Variants in RUVBL1 observed in about 807,000 individuals in gnomAD.
The protein encoded by RUVBL1 is RuvB like AAA ATPase 1, also known as ruvB-like 1.
Under a neutral mutation model 52.4 loss-of-function variants are expected in RUVBL1, and 4 were observed. The observed-to-expected ratio is 0.08, with a 90% CI of 0.04 to 0.17. The LOEUF (loss-of-function observed/expected upper bound fraction) is 0.17, where lower values mean the gene tolerates loss of function less well. Ranked by LOEUF, RUVBL1 falls within the 10% of genes least tolerant of loss-of-function variation. The probability of loss-of-function intolerance (pLI) is 1.00; values close to 1 mark genes in which losing one functional copy is unlikely to be tolerated. For synonymous variants in RUVBL1, 217 were observed against 214.4 expected, an observed-to-expected ratio of 1.01 and a Z score of -0.10; for missense variants, 298 against 572.8, an observed-to-expected ratio of 0.52 and a Z score of 4.90.
chr3:128,082,709 G>T lies in RUVBL1; in HGVS notation c.1120-135C>A. The T allele has an allele frequency of 1.4e-6, 1 of 724,430 alleles. No individual in the cohort carries two copies. 44.9% of individuals were successfully genotyped at this position (724,430 alleles called of 1,614,324 possible). On this transcript the variant is annotated intron_variant, in intron 9 of 10. Coordinates refer to ENST00000322623, the MANE Select transcript of RUVBL1 (RefSeq NM_003707.3). This position sits in a 1 kb window ranked among gnomAD's most constrained non-coding sequence, Gnocchi z 4.7. ...AACTGAGACCTGGGTTGGTGGGCAG[G>T]GAGCCAACGCCTGCCCAGCACTGCC... is the stretch of plus-strand genomic sequence containing the variant.
intron 1 of RUVBL1, among the ~76,000 whole-genome samples, chr3:128,151,034 C>T (rs1202062679): frequency 1.3e-4 from 11 of 84,040 alleles, no homozygotes; most frequent in Non-Finnish European, 2.1e-4. Context: ...AATATATATT[C>T]TATATTCTAT....
upstream of RUVBL1, among the ~76,000 whole-genome samples, chr3:128,125,005 C>CT (rs749620135): frequency 0.2 from 12,054 of 61,280 alleles, 4,902 homozygotes; most frequent in African/African-American, 0.48. Context: ...CTCACACCGC[C>CT]TTTTTTTTTT....
chr3:128,106,152 T>C lies in RUVBL1; in HGVS notation c.362-1228A>G, dbSNP rs560372305. Among the ~76,000 whole-genome samples, 147 of 152,270 alleles carry C rather than the reference T, an allele frequency of 9.7e-4. 1 individual carries two copies. The highest frequency in any genetic ancestry group is 9.6e-3 in the East Asian group (50 of 5,188). ...ACCTTGGCCTCCCAAAGTGCTGGGA[T>C]TACAGGTGTGAGCTACCATTCCCAG... is the stretch of plus-strand genomic sequence containing the variant. On this transcript the variant is annotated intron_variant, in intron 3 of 10. Coordinates refer to ENST00000322623, the MANE Select transcript of RUVBL1 (RefSeq NM_003707.3).
chr3:128,102,375 G>A (rs764024847), intron 4 of RUVBL1, among the ~76,000 whole-genome samples: 7 of 152,234 alleles, frequency 4.6e-5, no homozygotes, highest in East Asian at 1.9e-4. Context: ...GCAGATTTGC[G>A]GAACTGTTGC....
At chr3:128,153,022 G>A (rs1389064252) in intron 1 of RUVBL1, among the ~76,000 whole-genome samples, 1 of 95,016 alleles carries the variant, frequency 1.1e-5, no homozygotes. Flanking sequence ...GCCCCCCCAT[G>A]TTCCGTTTTT....
chr3:128,105,074 A>G (rs1943192867), intron 3 of RUVBL1, 150 bp from the exon 4 acceptor site: 3 of 715,420 alleles, frequency 4.2e-6, no homozygotes, highest in Admixed American at 3.0e-5. Context: ...CAATACAAAC[A>G]TATCAATGTA....
chr3:128,101,789 G>A (rs1943113626), intron 4 of RUVBL1, 141 bp from the exon 5 acceptor site: 4 of 763,642 alleles, frequency 5.2e-6, no homozygotes, highest in South Asian at 1.6e-5. Context: ...TGAATACTGG[G>A]ACCTGCAGGA....
intron 1 of RUVBL1, among the ~76,000 whole-genome samples, chr3:128,142,162 G>A (rs945405299): frequency 2.0e-5 from 3 of 152,210 alleles, no homozygotes; most frequent in African/African-American, 7.2e-5. Flanking sequence ...CCAACGCAAT[G>A]GGTAAACCTG....
upstream of RUVBL1, among the ~76,000 whole-genome samples, chr3:128,124,112 T>C (rs1303230474): frequency 1.3e-5 from 2 of 152,092 alleles, no homozygotes; most frequent in Non-Finnish European, 2.9e-5. Flanking sequence ...CATTTGAACG[T>C]CATACTCTTA....
At chr3:128,066,885 G>T in intron 9 of RUVBL1, 1 of 1,499,456 alleles carries the variant, frequency 6.7e-7, no homozygotes, top group Non-Finnish European at 9.3e-7. Context: ...GTCCCCGGCC[G>T]GGCTGTGTTT....
intron 1 of RUVBL1, among the ~76,000 whole-genome samples, chr3:128,143,124 GCCCA>G (rs1401093213): frequency 4.7e-5 from 7 of 150,134 alleles, no homozygotes; most frequent in African/African-American, 1.7e-4. Context: ...ATTACACCAG[GCCCA>G]CCCTGATACT....
downstream of RUVBL1, among the ~76,000 whole-genome samples, chr3:128,076,842 G>A (rs1488836655): frequency 6.6e-6 from 1 of 152,142 alleles, no homozygotes; most frequent in South Asian, 2.1e-4. The surrounding 1 kb of genome is among the most constrained non-coding windows in gnomAD (Gnocchi z 6.8). Flanking sequence ...GTCCCAGCCC[G>A]CACCCCGCAC....
intron 1 of RUVBL1, among the ~76,000 whole-genome samples, chr3:128,132,247 G>A (rs114529250): frequency 6.4e-4 from 98 of 152,262 alleles, no homozygotes; most frequent in African/African-American, 2.3e-3. Context: ...ACTGAGTTCC[G>A]GCCAGCCTCA....
At position 128,081,183 on chromosome 3, in the gene RUVBL1, C is replaced by A. The variant is rs949485193; in HGVS notation, c.*67G>T. On this transcript the variant is annotated 3_prime_UTR_variant, in exon 11 of 11. Coordinates refer to ENST00000322623, the MANE Select transcript of RUVBL1 (RefSeq NM_003707.3). This position sits in a 1 kb window ranked among gnomAD's most constrained non-coding sequence, Gnocchi z 4.8. ...CGGCAGCCCCAAGCCCAGGGGCAAG[C>A]GCCCACAGGCTGGACCCAGGCCAGG... 1.6e-5 allele frequency: 24 copies of A among 1,536,694 alleles called. No homozygotes were observed. Among genetic ancestry groups the A allele is most frequent in the Non-Finnish European group, 2.1e-5 (24 of 1,126,588 alleles).
At chr3:128,111,370 G>A (rs1244520600) in intron 3 of RUVBL1, among the ~76,000 whole-genome samples, 15 of 152,050 alleles carry the variant, frequency 9.9e-5, no homozygotes, top group Admixed American at 5.9e-4. Context: ...CCCAGGAGAC[G>A]CTGAGTAAAC....
intron 2 of RUVBL1, among the ~76,000 whole-genome samples, chr3:128,117,479 G>C (rs1285260721): frequency 6.6e-6 from 1 of 152,174 alleles, no homozygotes; most frequent in Non-Finnish European, 1.5e-5. Context: ...CGTTGTCAAA[G>C]TCCCCTGCAA....
At chr3:128,077,611 A>T (rs1246684601), downstream of RUVBL1, among the ~76,000 whole-genome samples, 1 of 152,184 alleles carries the variant, frequency 6.6e-6, no homozygotes, top group Non-Finnish European at 1.5e-5. Context: ...CTCACCCAGG[A>T]TGGGATGCTA....
At chr3:128,111,535 G>C (rs1943394123) in intron 3 of RUVBL1, among the ~76,000 whole-genome samples, 1 of 152,056 alleles carries the variant, frequency 6.6e-6, no homozygotes, top group Non-Finnish European at 1.5e-5. Context: ...CAACCACTTT[G>C]CACTTCCACT....
chr3:128,145,861 G>A (rs1052666892), intron 1 of RUVBL1, among the ~76,000 whole-genome samples: 2 of 152,168 alleles, frequency 1.3e-5, no homozygotes, highest in African/African-American at 4.8e-5. Flanking sequence ...CAAGTAAAAT[G>A]TCTTTCTGTC....
Sources: gnomAD v4.1 joint callset for allele counts (sites outside exome capture counted in the v4.1 genomes callset) on GRCh38, gnomAD v4.1.1 for gene constraint, Gnocchi (gnomAD v3.1) non-coding constraint, MANE v1.5 for transcripts, NCBI Gene and HGNC (gene_info 2026-07-23, HGNC 2026-07-21) for gene names.